NAALADL2: variants seen among roughly 807,000 people sequenced by gnomAD.
NAALADL2 encodes N-acetylated alpha-linked acidic dipeptidase like 2.
A neutral mutation model predicts 87.2 loss-of-function variants in NAALADL2; 76 were observed. The ratio of observed to expected loss-of-function variants is 0.87; its 90% CI spans 0.72 to 1.05. NAALADL2 has a LOEUF of 1.05. NAALADL2 is among the 50% of genes least tolerant of loss of function. The pLI is 0.00. For missense variants in NAALADL2, 1,089 were observed against 945.8 expected (o/e 1.15, Z -1.99); for synonymous variants, 354 against 331.0 (o/e 1.07, Z -0.75).
chr3:175,757,262 A>G (rs1022745642), intron 13 of NAALADL2, among the ~76,000 whole-genome samples: 65 of 152,234 alleles, frequency 4.3e-4, no homozygotes, highest in African/African-American at 1.4e-3. Flanking sequence ...AATTACATAT[A>G]AGAAAAAGGT....
intron 2 of NAALADL2, among the ~76,000 whole-genome samples, chr3:174,703,359 G>C (rs667962): frequency 2.0e-5 from 3 of 150,178 alleles, no homozygotes; most frequent in African/African-American, 7.4e-5. Flanking sequence ...AGTGATAATT[G>C]TTTTTAATAC....
intron 5 of NAALADL2, among the ~76,000 whole-genome samples, chr3:175,358,672 T>A (rs574230002): frequency 6.6e-6 from 1 of 152,336 alleles, no homozygotes; most frequent in Admixed American, 6.5e-5. Flanking sequence ...CTGTGTTATC[T>A]TACTCTCATG....
chr3:174,731,139 C>A (rs1732668229), intron 2 of NAALADL2, among the ~76,000 whole-genome samples: 1 of 151,978 alleles, frequency 6.6e-6, no homozygotes, highest in Admixed American at 6.6e-5. Context: ...ACATTTATGA[C>A]TTTGAGCTGG....
chr3:174,509,893 C>G (rs374599423), intron 1 of NAALADL2, among the ~76,000 whole-genome samples: 1 of 152,072 alleles, frequency 6.6e-6, no homozygotes, highest in African/African-American at 2.4e-5. Context: ...CAGTCCTTAA[C>G]AGATGCCATG....
At chr3:175,422,852 A>G (rs1046653297) in intron 5 of NAALADL2, among the ~76,000 whole-genome samples, 2 of 151,566 alleles carry the variant, frequency 1.3e-5, no homozygotes, top group African/African-American at 4.8e-5. Flanking sequence ...CCTTTATCCA[A>G]AGGAAAAATA....
chr3:175,186,492 C>T (rs1375777981), intron 2 of NAALADL2, among the ~76,000 whole-genome samples: 1 of 152,024 alleles, frequency 6.6e-6, no homozygotes, highest in Non-Finnish European at 1.5e-5. Context: ...TTGTTTAAAT[C>T]ATTTTGAAAA....
intron 1 of NAALADL2, among the ~76,000 whole-genome samples, chr3:175,068,415 T>C (rs887937415): frequency 6.6e-6 from 1 of 152,212 alleles, no homozygotes; most frequent in East Asian, 1.9e-4. Flanking sequence ...CTAAAGTATA[T>C]GCATAATATT....
chr3:175,443,271 G>T (rs943772669), intron 5 of NAALADL2, among the ~76,000 whole-genome samples: 1 of 152,096 alleles, frequency 6.6e-6, no homozygotes, highest in Non-Finnish European at 1.5e-5. Context: ...AAAAATCAAA[G>T]ATTTGGGTAT....
chr3:175,345,564 G>A (rs1277469060), intron 5 of NAALADL2, among the ~76,000 whole-genome samples: 1 of 152,104 alleles, frequency 6.6e-6, no homozygotes, highest in Admixed American at 6.6e-5. Context: ...AGTAAGAGTG[G>A]TTTCTAAAAT....
chr3:175,771,211 A>C (rs1394071335), intron 13 of NAALADL2, among the ~76,000 whole-genome samples: 1 of 152,188 alleles, frequency 6.6e-6, no homozygotes, highest in African/African-American at 2.4e-5. Flanking sequence ...ATATTTTCCA[A>C]AGCCAAATTG....
At chr3:174,887,279 A>ATC (rs397809229) in intron 1 of NAALADL2, among the ~76,000 whole-genome samples, 1 of 151,998 alleles carries the variant, frequency 6.6e-6, no homozygotes, top group African/African-American at 2.4e-5. Flanking sequence ...TAACCTTATC[A>ATC]ATGTCATTAT....
At chr3:175,073,096 C>T (rs1396430156) in intron 1 of NAALADL2, among the ~76,000 whole-genome samples, 1 of 151,984 alleles carries the variant, frequency 6.6e-6, no homozygotes, top group Non-Finnish European at 1.5e-5. Flanking sequence ...AATCTGTTGG[C>T]ACTCAGTGAT....
At chr3:175,214,950 T>G (rs1742290036) in intron 2 of NAALADL2, among the ~76,000 whole-genome samples, 1 of 152,156 alleles carries the variant, frequency 6.6e-6, no homozygotes, top group Non-Finnish European at 1.5e-5. Flanking sequence ...TTTTTGTCAA[T>G]TAATGGGGTT....
intron 11 of NAALADL2, among the ~76,000 whole-genome samples, chr3:175,636,265 C>T (rs1265901817): frequency 6.6e-6 from 1 of 152,056 alleles, no homozygotes; most frequent in Non-Finnish European, 1.5e-5. Context: ...GAGAGTCACT[C>T]ATTCTCAGTA....
chr3:175,246,026 T>C (rs1747909607), intron 3 of NAALADL2, among the ~76,000 whole-genome samples: 1 of 152,160 alleles, frequency 6.6e-6, no homozygotes, highest in South Asian at 2.1e-4. Flanking sequence ...TTCAATACAT[T>C]GTGGTCTTCA....
intron 1 of NAALADL2, among the ~76,000 whole-genome samples, chr3:174,981,331 T>C (rs1309276499): frequency 6.6e-6 from 1 of 152,190 alleles, no homozygotes; most frequent in Non-Finnish European, 1.5e-5. Context: ...GTGAGTGTAA[T>C]CTTTATAAAC....
At chr3:175,513,586 T>C (rs1272522842) in intron 9 of NAALADL2, among the ~76,000 whole-genome samples, 2 of 152,168 alleles carry the variant, frequency 1.3e-5, no homozygotes, top group Non-Finnish European at 2.9e-5. Context: ...AATTGATGAA[T>C]ATATGTAAAA....
chr3:175,689,493 T>G (rs1365894055), intron 11 of NAALADL2, among the ~76,000 whole-genome samples: 1 of 152,102 alleles, frequency 6.6e-6, no homozygotes, highest in African/African-American at 2.4e-5. Flanking sequence ...AGATAATAGA[T>G]TGAGTTTTAA....
chr3:174,676,582 T>C (rs1475082670), intron 2 of NAALADL2, among the ~76,000 whole-genome samples: 1 of 152,010 alleles, frequency 6.6e-6, no homozygotes, highest in Non-Finnish European at 1.5e-5. Context: ...TTTGACTTTT[T>C]TGTAACACCT....
Sources: allele counts gnomAD v4.1 joint callset (sites outside exome capture counted in the v4.1 genomes callset), GRCh38; gene constraint gnomAD v4.1.1; transcripts MANE v1.5; gene names NCBI Gene and HGNC (gene_info 2026-07-23, HGNC 2026-07-21).